The following CNTNAP2 variants were observed in gnomAD, a reference collection of about 807,000 sequenced individuals.
CNTNAP2 encodes contactin associated protein 2, also known as contactin-associated protein-like 2.
CNTNAP2 carries 98 observed loss-of-function variants against 155.2 expected under a neutral mutation model. The ratio of observed to expected loss-of-function variants is 0.63; its 90% confidence interval spans 0.54 to 0.75. The LOEUF is 0.75. CNTNAP2 is among the 30% of genes least tolerant of loss of function. The pLI, the probability that CNTNAP2 is intolerant of heterozygous loss-of-function variation, is 0.00. For synonymous variants in CNTNAP2, 651 were observed against 631.2 expected (o/e 1.03, Z -0.47); for missense variants, 1,727 against 1,688.1 (o/e 1.02, Z -0.40).
intron 8 of CNTNAP2, among the ~76,000 whole-genome samples, chr7:147,188,280 A>G (rs543880969): frequency 1.3e-5 from 2 of 152,316 alleles, no homozygotes; most frequent in Admixed American, 1.3e-4. Context: ...CAAGGACAGC[A>G]TGGTATCAGT....
chr7:147,718,813 A>G (rs1341367192), intron 13 of CNTNAP2, among the ~76,000 whole-genome samples: 1 of 152,176 alleles, frequency 6.6e-6, no homozygotes, highest in African/African-American at 2.4e-5. Flanking sequence ...GCCCAATGTA[A>G]TAATGGCTTA....
intron 3 of CNTNAP2, among the ~76,000 whole-genome samples, chr7:146,964,391 ATTCC>A (rs1797615420): frequency 6.6e-6 from 1 of 152,194 alleles, no homozygotes; most frequent in South Asian, 2.1e-4. Flanking sequence ...TTAAATTTAA[ATTCC>A]CAGATGTCTT....
chr7:147,602,221 G>T lies in CNTNAP2; in HGVS notation c.1898-36885G>T, dbSNP rs915168305. Among the ~76,000 whole-genome samples the T allele has an allele frequency of 2.6e-5, 4 of 151,940 alleles. No individual in the cohort carries two copies. In the East Asian group the frequency reaches 7.8e-4, roughly 30 times the overall value. On this transcript the variant is annotated intron_variant, in intron 12 of 23. Transcript: ENST00000361727. Reference sequence around the variant, plus strand: ...ACCTGTTGAACTAGATGATTATCCTGCATTTTTATAGGAATTATAGGACAA... The same window carrying T: ...ACCTGTTGAACTAGATGATTATCCTTCATTTTTATAGGAATTATAGGACAA...
intron 3 of CNTNAP2, among the ~76,000 whole-genome samples, chr7:146,951,006 T>A (rs1234498162): frequency 6.6e-6 from 1 of 152,228 alleles, no homozygotes; most frequent in Non-Finnish European, 1.5e-5. Flanking sequence ...TGAGATGGTA[T>A]CTCATCGTGG....
intron 9 of CNTNAP2, among the ~76,000 whole-genome samples, chr7:147,319,234 A>G (rs898335880): frequency 6.6e-6 from 1 of 152,212 alleles, no homozygotes; most frequent in African/African-American, 2.4e-5. Context: ...ATTCTTTACC[A>G]TACTTCTTAA....
chr7:147,121,202 G>A (rs368460270), intron 6 of CNTNAP2, 39 bp downstream of exon 6: 22 of 1,590,134 alleles, frequency 1.4e-5, no homozygotes, highest in Non-Finnish European at 1.7e-5. Flanking sequence ...AAAATGTCAA[G>A]CAATTGTGTC....
chr7:146,163,299 C>T (rs191180155), intron 1 of CNTNAP2, among the ~76,000 whole-genome samples: 6 of 151,412 alleles, frequency 4.0e-5, no homozygotes, highest in Non-Finnish European at 7.4e-5. Flanking sequence ...GTGAGCCAGA[C>T]GAGGTGGCTC....
At chr7:147,906,847 C>G (rs1799965864) in intron 14 of CNTNAP2, among the ~76,000 whole-genome samples, 2 of 152,254 alleles carry the variant, frequency 1.3e-5, no homozygotes, top group African/African-American at 4.8e-5. Context: ...AGAAGACATT[C>G]CATTCCACCC....
chr7:146,567,912 G>C (rs1186798954), intron 1 of CNTNAP2, among the ~76,000 whole-genome samples: 3 of 152,050 alleles, frequency 2.0e-5, no homozygotes, highest in African/African-American at 7.2e-5. Flanking sequence ...AGTAGAGACG[G>C]GGTTTCACTG....
chr7:147,982,559 G>C (rs149492046), intron 15 of CNTNAP2, among the ~76,000 whole-genome samples: 14 of 152,322 alleles, frequency 9.2e-5, no homozygotes, highest in African/African-American at 3.1e-4. Flanking sequence ...GACAGACAAA[G>C]CTGTGTGTAA....
intron 1 of CNTNAP2, among the ~76,000 whole-genome samples, chr7:146,663,544 C>T (rs1219228842): frequency 2.0e-5 from 3 of 151,828 alleles, no homozygotes; most frequent in African/African-American, 7.3e-5. Context: ...TTTATTTAGG[C>T]CTTTTAAATT....
rs1800037359 is a variant in CNTNAP2, at chr7:148,418,242, C to A, written c.*2626C>A. On this transcript the variant is annotated 3_prime_UTR_variant, in exon 24 of 24. Coordinates refer to ENST00000361727, the MANE Select transcript of CNTNAP2 (RefSeq NM_014141.6). ...TTTATGTGAAGAAAAAGAATTAAGT[C>A]TTTCTTCCAACTCTCTCCTTGGATA... The A allele has an allele frequency of 6.6e-6, 1 of 152,144 alleles. No homozygotes were observed. 9.4% of individuals were successfully genotyped at this position (152,144 alleles called of 1,614,324 possible).
chr7:146,507,504 T>C (rs145369702), intron 1 of CNTNAP2, among the ~76,000 whole-genome samples: 3 of 152,346 alleles, frequency 2.0e-5, no homozygotes, highest in African/African-American at 4.8e-5. Context: ...TTTTGTTTTC[T>C]GAGCCAAATG....
intron 10 of CNTNAP2, among the ~76,000 whole-genome samples, chr7:147,451,274 G>A (rs985850067): frequency 1.3e-5 from 2 of 152,134 alleles, no homozygotes; most frequent in African/African-American, 4.8e-5. Flanking sequence ...GCCCTTCGGG[G>A]ATATGTTTGT....
intron 15 of CNTNAP2, among the ~76,000 whole-genome samples, chr7:148,040,286 A>T (rs1433923862): frequency 6.6e-6 from 1 of 152,228 alleles, no homozygotes; most frequent in Non-Finnish European, 1.5e-5. Flanking sequence ...ACTAAACTGA[A>T]AATAATGTAT....
chr7:147,586,018 T>C (rs1276064419), intron 12 of CNTNAP2, among the ~76,000 whole-genome samples: 2 of 152,128 alleles, frequency 1.3e-5, no homozygotes, highest in Non-Finnish European at 1.5e-5. Context: ...AAGATGTACA[T>C]TGGTTCAGTC....
At chr7:148,099,854 C>CT (rs758183945) in intron 15 of CNTNAP2, among the ~76,000 whole-genome samples, 10,197 of 126,158 alleles carry the variant, frequency 0.081, 751 homozygotes, top group African/African-American at 0.18. Flanking sequence ...CTCCTCCCTC[C>CT]TTTTTTTTTT....
intron 20 of CNTNAP2, among the ~76,000 whole-genome samples, chr7:148,261,989 T>C (rs1351593179): frequency 6.6e-6 from 1 of 152,120 alleles, no homozygotes; most frequent in Non-Finnish European, 1.5e-5. Context: ...GGAATTCCAT[T>C]GTTTATCATA....
At chr7:147,341,767 CAT>C (rs1342334663) in intron 9 of CNTNAP2, among the ~76,000 whole-genome samples, 2 of 85,556 alleles carry the variant, frequency 2.3e-5, no homozygotes, top group African/African-American at 4.3e-5. Context: ...CACACATACA[CAT>C]ACACACACAC....
Sources: allele counts gnomAD v4.1 joint callset (sites outside exome capture counted in the v4.1 genomes callset), GRCh38; gene constraint gnomAD v4.1.1; transcripts MANE v1.5; gene names NCBI Gene and HGNC (gene_info 2026-07-23, HGNC 2026-07-21).